FSTL5: variants seen among roughly 807,000 people sequenced by gnomAD.
FSTL5 encodes follistatin like 5.
In FSTL5, 62 loss-of-function variants were observed where a neutral mutation model predicts 89.1. The observed-to-expected ratio is 0.70, with a 90% CI of 0.57 to 0.86. The LOEUF is 0.86. FSTL5 is among the 40% of genes least tolerant of loss of function. The probability of loss-of-function intolerance (pLI) is 0.00; values close to 1 mark genes in which losing one functional copy is unlikely to be tolerated. For synonymous variants in FSTL5, 383 were observed against 346.2 expected, an observed-to-expected ratio of 1.11 and a Z score of -1.18; for missense variants, 1,057 against 1,001.6, an observed-to-expected ratio of 1.06 and a Z score of -0.75.
intron 3 of FSTL5, among the ~76,000 whole-genome samples, chr4:161,982,701 T>C (rs1030057957): frequency 5.3e-5 from 8 of 152,208 alleles, no homozygotes; most frequent in Non-Finnish European, 7.4e-5. Flanking sequence ...TTCATGTATA[T>C]GCACAGCAAT....
At chr4:161,949,381 C>T (rs780481598) in intron 3 of FSTL5, among the ~76,000 whole-genome samples, 6 of 152,156 alleles carry the variant, frequency 3.9e-5, no homozygotes, top group Non-Finnish European at 5.9e-5. Flanking sequence ...GTCTACCATA[C>T]GCTTTTAAAA....
chr4:161,851,475 T>A (rs190744649), intron 4 of FSTL5, among the ~76,000 whole-genome samples: 145 of 152,292 alleles, frequency 9.5e-4, no homozygotes, highest in African/African-American at 3.2e-3. Context: ...ATTTCAGGTA[T>A]CTTTCGTAAT....
intron 4 of FSTL5, among the ~76,000 whole-genome samples, chr4:161,904,564 T>C (rs1026791494): frequency 6.6e-6 from 1 of 152,054 alleles, no homozygotes; most frequent in African/African-American, 2.4e-5. Context: ...AAATTCTTTA[T>C]GTATTTTTTA....
At chr4:161,675,045 CA>C (rs1294359674) in intron 6 of FSTL5, among the ~76,000 whole-genome samples, 1 of 151,650 alleles carries the variant, frequency 6.6e-6, no homozygotes, top group South Asian at 2.1e-4. Context: ...GACATAAAGG[CA>C]AAAAACAAGA....
rs1467414628 is a variant in FSTL5 at position 161,397,475 on chromosome 4, C to T, written c.1842-11026G>A. Among the ~76,000 whole-genome samples the T allele has an allele frequency of 3.3e-5, 5 of 151,522 alleles. No individual in the cohort carries two copies. The South Asian group carries it at 1.0e-3, about 32-fold the overall frequency. Reference sequence around the variant, plus strand: ...ATAATATAGTGGGTTGAGCTAAACACTGTATAATCTAGAGTATTGAGGTAA... The same window carrying T: ...ATAATATAGTGGGTTGAGCTAAACATTGTATAATCTAGAGTATTGAGGTAA... On this transcript the variant is annotated intron_variant, in intron 15 of 15. Coordinates refer to ENST00000306100, the MANE Select transcript of FSTL5 (RefSeq NM_020116.5).
At chr4:161,906,227 ACTTT>A (rs1192590819) in intron 4 of FSTL5, among the ~76,000 whole-genome samples, 4 of 152,068 alleles carry the variant, frequency 2.6e-5, no homozygotes, top group African/African-American at 7.2e-5. Flanking sequence ...TAATAACCAT[ACTTT>A]CTTTCTTTAG....
At chr4:161,499,874 A>T in intron 12 of FSTL5, 142 bp downstream of exon 12, 1 of 613,180 alleles carries the variant, frequency 1.6e-6, no homozygotes, top group Non-Finnish European at 2.9e-6. Context: ...ACCTAAAAAG[A>T]ATAACACCGA....
intron 2 of FSTL5, among the ~76,000 whole-genome samples, chr4:162,060,868 C>A (rs1361801871): frequency 6.6e-6 from 1 of 151,974 alleles, no homozygotes; most frequent in Non-Finnish European, 1.5e-5. Context: ...TGACAACTGT[C>A]TTAATATACA....
At chr4:161,834,661 G>C (rs916416516) in intron 4 of FSTL5, among the ~76,000 whole-genome samples, 1 of 151,964 alleles carries the variant, frequency 6.6e-6, no homozygotes. Context: ...ACCAATAACA[G>C]ACAAACAGAG....
chr4:161,740,412 G>A (rs900938992), intron 6 of FSTL5, among the ~76,000 whole-genome samples: 2 of 151,790 alleles, frequency 1.3e-5, no homozygotes, highest in Admixed American at 1.3e-4. Flanking sequence ...TATCTAATTT[G>A]AGTAGTGTAT....
intron 12 of FSTL5, among the ~76,000 whole-genome samples, chr4:161,483,317 C>T (rs189241357): frequency 1.0e-3 from 155 of 152,324 alleles, no homozygotes; most frequent in Non-Finnish European, 2.6e-4. Context: ...GCTCTGAATA[C>T]AGGGAAATTG....
At chr4:161,549,946 T>C (rs1347883346) in intron 8 of FSTL5, among the ~76,000 whole-genome samples, 1 of 151,946 alleles carries the variant, frequency 6.6e-6, no homozygotes, top group Non-Finnish European at 1.5e-5. Context: ...CCAGACTTAC[T>C]AAAACTATAA....
intron 6 of FSTL5, among the ~76,000 whole-genome samples, chr4:161,678,051 CA>C (rs1737370578): frequency 6.6e-6 from 1 of 151,616 alleles, no homozygotes; most frequent in Non-Finnish European, 1.5e-5. Flanking sequence ...AAATAATAAA[CA>C]AAAACTTCAC....
chr4:161,471,371 T>C (rs1451675533), intron 13 of FSTL5, among the ~76,000 whole-genome samples: 2 of 152,236 alleles, frequency 1.3e-5, no homozygotes, highest in African/African-American at 2.4e-5. Flanking sequence ...TGTTTTTATA[T>C]GTTGAATCAT....
intron 12 of FSTL5, among the ~76,000 whole-genome samples, chr4:161,490,440 T>C (rs1729827427): frequency 2.0e-5 from 3 of 152,176 alleles, no homozygotes; most frequent in African/African-American, 7.2e-5. Context: ...CTCTGCCTAC[T>C]AACTAAAAAA....
chr4:161,671,062 T>C (rs1737088547), intron 6 of FSTL5, among the ~76,000 whole-genome samples: 1 of 152,236 alleles, frequency 6.6e-6, no homozygotes, highest in Non-Finnish European at 1.5e-5. Context: ...AGTCCAGCTC[T>C]AATCAGCTAA....
intron 13 of FSTL5, among the ~76,000 whole-genome samples, chr4:161,478,488 A>G (rs957930535): frequency 6.6e-6 from 1 of 152,132 alleles, no homozygotes; most frequent in Non-Finnish European, 1.5e-5. Flanking sequence ...TCATGCCTTA[A>G]CAAAACTTAC....
rs1285094310 is a variant in FSTL5, at chr4:161,899,325, C to T, written c.409+21079G>A. Among the ~76,000 whole-genome samples the T allele has an allele frequency of 5.3e-5, 8 of 152,144 alleles. No homozygotes were observed. The East Asian group carries it at 1.5e-3, about 29-fold the overall frequency. ...AAGAAGGAGAAATGTGGATAGAGGA[C>T]ACATTCATAGGATATTATATAGGCC... On this transcript the variant is annotated intron_variant, in intron 4 of 15. Transcript: ENST00000306100.
intron 6 of FSTL5, among the ~76,000 whole-genome samples, chr4:161,723,689 C>T (rs1739293572): frequency 6.6e-6 from 1 of 152,238 alleles, no homozygotes; most frequent in African/African-American, 2.4e-5. Context: ...TCAGTGTATA[C>T]ACCTACTGAT....
Sources: allele counts gnomAD v4.1 joint callset (sites outside exome capture counted in the v4.1 genomes callset), GRCh38; gene constraint gnomAD v4.1.1; transcripts MANE v1.5; gene names NCBI Gene and HGNC (gene_info 2026-07-23, HGNC 2026-07-21).